SPIN1: variants seen among roughly 807,000 people sequenced by gnomAD.
SPIN1 encodes spindlin 1.
Under a neutral mutation model 26.0 loss-of-function variants are expected in SPIN1, and 3 were observed. The ratio of observed to expected loss-of-function variants is 0.12; its 90% CI spans 0.05 to 0.30. SPIN1 has a LOEUF of 0.30. Ranked by LOEUF, SPIN1 falls within the 10% of genes least tolerant of loss-of-function variation. The probability of loss-of-function intolerance (pLI) is 1.00; values close to 1 mark genes in which losing one functional copy is unlikely to be tolerated. For missense variants in SPIN1, 126 were observed against 333.4 expected (o/e 0.38, Z 4.84); for synonymous variants, 101 against 116.5 (o/e 0.87, Z 0.86).
At chr9:88,414,313 G>A (rs560285029) in intron 1 of SPIN1, among the ~76,000 whole-genome samples, 1 of 152,252 alleles carries the variant, frequency 6.6e-6, no homozygotes, top group South Asian at 2.1e-4. Context: ...TAATGCCATG[G>A]TTGGTCTTTC....
intron 2 of SPIN1, among the ~76,000 whole-genome samples, chr9:88,445,833 G>C (rs1424049970): frequency 6.6e-6 from 1 of 151,968 alleles, no homozygotes; most frequent in Middle Eastern, 3.2e-3. Flanking sequence ...GAGCCACCAT[G>C]CTCCGCCTGA....
chr9:88,414,535 T>G (rs933529008), intron 1 of SPIN1, among the ~76,000 whole-genome samples: 3 of 152,208 alleles, frequency 2.0e-5, no homozygotes, highest in Non-Finnish European at 4.4e-5. Context: ...CCAGGCCTAG[T>G]GATATCACGT....
intron 2 of SPIN1, among the ~76,000 whole-genome samples, chr9:88,428,439 T>G (rs1292014570): frequency 1.3e-5 from 2 of 152,244 alleles, no homozygotes; most frequent in Non-Finnish European, 2.9e-5. Flanking sequence ...ATATTTGGTT[T>G]TCTCTTTCTG....
chr9:88,426,715 T>A, intron 2 of SPIN1, 124 bp downstream of exon 2: 1 of 729,052 alleles, frequency 1.4e-6, no homozygotes, highest in South Asian at 1.9e-5. Context: ...TAGTATGTTA[T>A]ACACATATGC....
intron 4 of SPIN1, 67 bp from the exon 5 acceptor site, chr9:88,468,305 T>G: frequency 8.4e-7 from 1 of 1,192,998 alleles, no homozygotes; most frequent in Non-Finnish European, 1.1e-6. Context: ...TTTAGTAAAT[T>G]CAGTCTTCAT....
intron 3 of SPIN1, among the ~76,000 whole-genome samples, chr9:88,460,138 G>A (rs1273170121): frequency 2.0e-5 from 3 of 152,200 alleles, no homozygotes; most frequent in East Asian, 1.9e-4. Flanking sequence ...CTTCAATTAC[G>A]ATTTTTAGTA....
intron 2 of SPIN1, among the ~76,000 whole-genome samples, chr9:88,436,410 C>A (rs1049651244): frequency 1.3e-5 from 2 of 152,142 alleles, no homozygotes; most frequent in African/African-American, 2.4e-5. Flanking sequence ...ATTCCTTTCC[C>A]TCACAAATGT....
chr9:88,432,402 G>C (rs1053065184), intron 2 of SPIN1, among the ~76,000 whole-genome samples: 6 of 151,860 alleles, frequency 4.0e-5, no homozygotes, highest in African/African-American at 1.5e-4. Flanking sequence ...TGCCCAGGCT[G>C]GTCTCGAACT....
intron 3 of SPIN1, among the ~76,000 whole-genome samples, chr9:88,453,683 C>T (rs888849500): frequency 3.9e-5 from 6 of 152,232 alleles, no homozygotes; most frequent in Non-Finnish European, 7.4e-5. Context: ...TGCGCCACCA[C>T]GCCCGACTGA....
At chr9:88,404,756 A>C (rs1488245511) in intron 1 of SPIN1, among the ~76,000 whole-genome samples, 1 of 152,004 alleles carries the variant, frequency 6.6e-6, no homozygotes, top group Non-Finnish European at 1.5e-5. Context: ...TCTCTACTAA[A>C]AATACAAAAA....
At chr9:88,443,362 A>G (rs1302140326) in intron 2 of SPIN1, among the ~76,000 whole-genome samples, 1 of 152,150 alleles carries the variant, frequency 6.6e-6, no homozygotes, top group Non-Finnish European at 1.5e-5. Flanking sequence ...CTGTCTCTGA[A>G]AGGCACTCTT....
intron 3 of SPIN1, among the ~76,000 whole-genome samples, chr9:88,455,100 A>T (rs1044271758): frequency 6.6e-5 from 10 of 152,250 alleles, no homozygotes; most frequent in Non-Finnish European, 1.3e-4. Context: ...TCCTTAAAAT[A>T]TGCAAATCTA....
chr9:88,459,572 A>G (rs1828537212), intron 3 of SPIN1, among the ~76,000 whole-genome samples: 1 of 152,112 alleles, frequency 6.6e-6, no homozygotes, highest in South Asian at 2.1e-4. Context: ...CACTCACTAT[A>G]CTTACTCTGC....
chr9:88,410,934 C>T (rs548825879), intron 1 of SPIN1: 5 of 1,145,530 alleles, frequency 4.4e-6, no homozygotes, highest in Admixed American at 1.7e-5. Context: ...GCTTTCCTAA[C>T]TTCACAATTG....
At chr9:88,423,918 A>G (rs981894277) in intron 1 of SPIN1, among the ~76,000 whole-genome samples, 5 of 152,002 alleles carry the variant, frequency 3.3e-5, no homozygotes, top group African/African-American at 1.2e-4. Flanking sequence ...GGCATACGCC[A>G]CCATGTTCGG....
chr9:88,465,011 T>C (rs965564616), intron 4 of SPIN1, among the ~76,000 whole-genome samples: 9 of 152,218 alleles, frequency 5.9e-5, no homozygotes, highest in Non-Finnish European at 1.5e-5. Flanking sequence ...ACACAGTATT[T>C]GTTTTGTGAG....
chr9:88,440,568 G>C (rs1314059859), intron 2 of SPIN1, among the ~76,000 whole-genome samples: 1 of 151,366 alleles, frequency 6.6e-6, no homozygotes, highest in Non-Finnish European at 1.5e-5. Context: ...TCTCTCTCTC[G>C]CTTCCTTTCT....
rs552207938 is a variant in SPIN1 at position 88,429,728 on chromosome 9, A to G, written c.52+3137A>G. On this transcript the variant is annotated intron_variant, in intron 2 of 5. Coordinates refer to ENST00000375859, the MANE Select transcript of SPIN1 (RefSeq NM_006717.3). ...TCATTGTGTAGGCATGATTGATTACATCAGTGGCCATTGATGATCAGCTCA... is the reference window on the plus strand; with the variant it reads ...TCATTGTGTAGGCATGATTGATTACGTCAGTGGCCATTGATGATCAGCTCA... 7.5e-4 allele frequency among the ~76,000 whole-genome samples: 114 copies of G among 152,270 alleles called. 1 individual carries two copies. The highest frequency in any genetic ancestry group is 1.2e-3 in the Non-Finnish European group (81 of 68,018).
chr9:88,396,578 G>T (rs927603278), intron 1 of SPIN1, among the ~76,000 whole-genome samples: 1 of 152,074 alleles, frequency 6.6e-6, no homozygotes. Context: ...CTCCAGACTG[G>T]GCAACAGAGT....
Sources: gnomAD v4.1 joint callset for allele counts (sites outside exome capture counted in the v4.1 genomes callset) on GRCh38, gnomAD v4.1.1 for gene constraint, MANE v1.5 for transcripts, NCBI Gene and HGNC (gene_info 2026-07-23, HGNC 2026-07-21) for gene names.